The following ALDH7A1 variants were observed in gnomAD, a reference collection of about 807,000 sequenced individuals.
ALDH7A1 encodes alpha-aminoadipic semialdehyde dehydrogenase.
A neutral mutation model predicts 79.9 loss-of-function variants in ALDH7A1; 63 were observed. That is an observed-to-expected ratio of 0.79 (90% CI 0.64 to 0.97). ALDH7A1 has a LOEUF of 0.97. Among genes scored for constraint, ALDH7A1 ranks in the 50% least tolerant of loss-of-function variants. ALDH7A1 has a pLI of 0.00. For missense variants in ALDH7A1, 627 were observed against 665.2 expected (o/e 0.94, Z 0.63); for synonymous variants, 240 against 231.2 (o/e 1.04, Z -0.34).
chr5:126,573,955 A>C (rs1272601174), intron 7 of ALDH7A1, among the ~76,000 whole-genome samples: 1 of 144,316 alleles, frequency 6.9e-6, no homozygotes, highest in African/African-American at 2.6e-5. Flanking sequence ...TCTTGAACCC[A>C]GGAAGCAGAA....
At chr5:126,585,010 C>T (rs1404426263) in intron 3 of ALDH7A1, among the ~76,000 whole-genome samples, 3 of 152,104 alleles carry the variant, frequency 2.0e-5, no homozygotes, top group African/African-American at 7.2e-5. Context: ...CTTCAAAGTA[C>T]AGCTAAGGCT....
At chr5:126,546,847 G>T (rs1433458431) in intron 16 of ALDH7A1, among the ~76,000 whole-genome samples, 1 of 152,066 alleles carries the variant, frequency 6.6e-6, no homozygotes, top group Non-Finnish European at 1.5e-5. Context: ...CCATTTGATA[G>T]AAATACATTA....
At chr5:126,589,896 G>C (rs1751488639) in intron 3 of ALDH7A1, among the ~76,000 whole-genome samples, 1 of 150,222 alleles carries the variant, frequency 6.7e-6, no homozygotes, top group South Asian at 2.1e-4. Context: ...TGTCTGGGAA[G>C]TGAGGAGCAC....
At chr5:126,559,153 G>A (rs1750305354) in intron 11 of ALDH7A1, 87 bp downstream of exon 11, 9 of 1,086,086 alleles carry the variant, frequency 8.3e-6, no homozygotes, top group Non-Finnish European at 1.3e-5. Flanking sequence ...TGTTCTAGCA[G>A]TATTGCTGAC....
intron 17 of ALDH7A1, 25 bp downstream of exon 17, chr5:126,546,299 C>T: frequency 1.2e-6 from 2 of 1,612,104 alleles, no homozygotes. Context: ...AAGCCCAAAC[C>T]TATCTTCCCA....
chr5:126,575,511 G>T, intron 6 of ALDH7A1, 47 bp from the exon 7 acceptor site: 1 of 1,539,528 alleles, frequency 6.5e-7, no homozygotes. Flanking sequence ...CTTATTTGAC[G>T]GAAACCATAA....
rs777483675 is a variant in ALDH7A1 at position 126,559,283 on chromosome 5, G to A, written c.965C>T (p.Ala322Val). The A allele has an allele frequency of 1.1e-5, 17 of 1,613,934 alleles. No homozygotes were observed. The East Asian group carries it at 3.8e-4, about 36-fold the overall frequency. Residue 322 changes from alanine to valine, a missense_variant, in exon 11 of 18, where the codon GCT becomes GTT. Coordinates refer to ENST00000409134, the MANE Select transcript of ALDH7A1 (RefSeq NM_001182.5). ...SLVVPSALFA[A>V]VGTAGQRCTT... The stretch of plus-strand genomic sequence containing the variant: ...ACACCTCTGGCCAGCTGTTCCCACA[G>A]CAGCGAAGAGAGCTGATGGAACAAC...
chr5:126,557,278 G>GA (rs1407235075), intron 11 of ALDH7A1, among the ~76,000 whole-genome samples: 1 of 152,072 alleles, frequency 6.6e-6, no homozygotes, highest in African/African-American at 2.4e-5. Flanking sequence ...CAAAACACCT[G>GA]AAAAAACAAA....
At chr5:126,546,274 A>G in intron 17 of ALDH7A1, 50 bp downstream of exon 17, 1 of 1,538,266 alleles carries the variant, frequency 6.5e-7, no homozygotes, top group Non-Finnish European at 9.0e-7. Flanking sequence ...GTAAAAGCCC[A>G]TTCCCAAGGG....
At chr5:126,593,545 A>G in intron 1 of ALDH7A1, 141 bp from the exon 2 acceptor site, 1 of 1,184,052 alleles carries the variant, frequency 8.4e-7, no homozygotes, top group Non-Finnish European at 1.2e-6. Flanking sequence ...AACTTCTGTT[A>G]CATATAAACC....
intron 15 of ALDH7A1, 62 bp downstream of exon 15, chr5:126,550,134 T>C: frequency 6.4e-7 from 1 of 1,565,312 alleles, no homozygotes; most frequent in Non-Finnish European, 8.8e-7. Context: ...CAGCAGTTTT[T>C]TTAAGTCCAC....
chr5:126,576,599 C>T (rs774350731), intron 6 of ALDH7A1, among the ~76,000 whole-genome samples: 3 of 152,068 alleles, frequency 2.0e-5, no homozygotes, highest in Non-Finnish European at 4.4e-5. Flanking sequence ...AAACACTGAC[C>T]AACTGCCTCA....
intron 16 of ALDH7A1, among the ~76,000 whole-genome samples, chr5:126,547,134 A>T (rs906289089): frequency 2.0e-5 from 3 of 152,198 alleles, no homozygotes; most frequent in Admixed American, 2.0e-4. Context: ...CAGAGGCTCT[A>T]AGGAACCAAG....
At chr5:126,572,907 C>G (rs67308532) in intron 7 of ALDH7A1, among the ~76,000 whole-genome samples, 17,043 of 152,118 alleles carry the variant, frequency 0.11, 1,030 homozygotes, top group African/African-American at 0.17. Flanking sequence ...CATATGTGGC[C>G]TGGGGTCATC....
At chr5:126,560,931 C>A (rs1750380276) in intron 10 of ALDH7A1, 152 bp downstream of exon 10, 2 of 820,702 alleles carry the variant, frequency 2.4e-6, no homozygotes, top group Non-Finnish European at 4.1e-6. Flanking sequence ...AAGCTTGTGT[C>A]CTGTCTCCCA....
intron 9 of ALDH7A1, among the ~76,000 whole-genome samples, chr5:126,567,648 A>T (rs1383444314): frequency 6.8e-6 from 1 of 146,322 alleles, no homozygotes; most frequent in African/African-American, 2.6e-5. Flanking sequence ...TACTTTTTGT[A>T]TTTTTAGCAG....
At chr5:126,546,634 G>A (rs1463908654) in intron 16 of ALDH7A1, among the ~76,000 whole-genome samples, 1 of 138,336 alleles carries the variant, frequency 7.2e-6, no homozygotes, top group Non-Finnish European at 1.5e-5. Flanking sequence ...AGAAGAAATG[G>A]AAACAGAAAG....
intron 10 of ALDH7A1, among the ~76,000 whole-genome samples, chr5:126,559,998 G>A (rs192123331): frequency 1.1e-3 from 161 of 152,032 alleles, no homozygotes; most frequent in Middle Eastern, 3.4e-3. Context: ...AGGCTGGAGT[G>A]TAGTGGCACT....
intron 5 of ALDH7A1, among the ~76,000 whole-genome samples, chr5:126,578,897 G>A (rs891922553): frequency 1.3e-5 from 2 of 152,256 alleles, no homozygotes; most frequent in South Asian, 2.1e-4. Context: ...GCTAGGATGA[G>A]GGACCATACC....
Sources: gnomAD v4.1 joint callset for allele counts (sites outside exome capture counted in the v4.1 genomes callset) on GRCh38, gnomAD v4.1.1 for gene constraint, MANE v1.5 for transcripts, NCBI Gene and HGNC (gene_info 2026-07-23, HGNC 2026-07-21) for gene names.